Variants in BANP observed in about 807,000 individuals in gnomAD.
BANP encodes the protein BTG3 associated nuclear protein.
Under a neutral mutation model 68.1 loss-of-function variants are expected in BANP, and 11 were observed. The observed-to-expected ratio is 0.16, with a 90% CI of 0.10 to 0.27. The LOEUF (loss-of-function observed/expected upper bound fraction) is 0.27. Among genes scored for constraint, BANP ranks in the 10% least tolerant of loss-of-function variants. The pLI is 1.00. For synonymous variants in BANP, 329 were observed against 303.2 expected, an observed-to-expected ratio of 1.09 and a Z score of -0.88; for missense variants, 504 against 722.7, an observed-to-expected ratio of 0.70 and a Z score of 3.47.
intron 11 of BANP, among the ~76,000 whole-genome samples, chr16:88,058,057 T>C (rs1326621739): frequency 6.6e-6 from 1 of 152,152 alleles, no homozygotes; most frequent in African/African-American, 2.4e-5. Context: ...TTTTTTTCAC[T>C]CTGAGAGTGA....
In BANP at chr16:88,042,666, C is replaced by G. The variant is rs547883352; in HGVS notation, c.1311+4655C>G. On this transcript the variant is annotated intron_variant, in intron 11 of 13. Coordinates refer to ENST00000682872, the MANE Select transcript of BANP (RefSeq NM_001386991.1). ...TTGTGCTGGCTCACACCTGTAATCCCAGTACTTTGGGGAGGCTGAGGTGGG... is the reference window on the plus strand; with the variant it reads ...TTGTGCTGGCTCACACCTGTAATCCGAGTACTTTGGGGAGGCTGAGGTGGG... 1.9e-3 allele frequency among the ~76,000 whole-genome samples: 277 copies of G among 148,082 alleles called. 1 individual carries two copies. Among genetic ancestry groups the G allele is most frequent in the African/African-American group, 7.1e-3 (267 of 37,510 alleles).
chr16:88,073,216 G>A (rs1291214105), intron 13 of BANP, among the ~76,000 whole-genome samples: 1 of 152,236 alleles, frequency 6.6e-6, no homozygotes, highest in African/African-American at 2.4e-5. Context: ...AGGCTGGGCG[G>A]TTCTGCAGTC....
At chr16:87,959,363 G>T (rs1189159574) in intron 1 of BANP, among the ~76,000 whole-genome samples, 1 of 152,256 alleles carries the variant, frequency 6.6e-6, no homozygotes. Flanking sequence ...GCTGGGCTGG[G>T]TTGTGGGCCC....
chr16:88,069,233 C>T (rs531471657), intron 12 of BANP, among the ~76,000 whole-genome samples: 8 of 152,342 alleles, frequency 5.3e-5, no homozygotes, highest in East Asian at 1.9e-4. Context: ...AACTCCTCTC[C>T]GAGTTTATTT....
At chr16:87,973,188 G>T (rs961798244) in intron 1 of BANP, among the ~76,000 whole-genome samples, 2 of 151,916 alleles carry the variant, frequency 1.3e-5, no homozygotes, top group Non-Finnish European at 2.9e-5. Context: ...TTCCCAGCTG[G>T]ACTTTTTAGA....
intron 9 of BANP, among the ~76,000 whole-genome samples, chr16:88,033,768 C>T (rs915879737): frequency 6.6e-6 from 1 of 152,198 alleles, no homozygotes; most frequent in African/African-American, 2.4e-5. Flanking sequence ...CTGCCTTGCC[C>T]GTGCGGAGTT....
chr16:87,966,318 G>C (rs1182792132), intron 1 of BANP, among the ~76,000 whole-genome samples: 3 of 152,194 alleles, frequency 2.0e-5, no homozygotes, highest in Non-Finnish European at 4.4e-5. Context: ...GTAGGGTTCT[G>C]AATAGTCGTC....
chr16:87,981,566 G>C (rs534845704), intron 3 of BANP, among the ~76,000 whole-genome samples: 1 of 152,362 alleles, frequency 6.6e-6, no homozygotes, highest in East Asian at 1.9e-4. Context: ...ACATGGGTAG[G>C]TTCTGGCGGT....
intron 3 of BANP, among the ~76,000 whole-genome samples, chr16:87,983,661 C>T (rs1032491578): frequency 4.0e-5 from 6 of 151,870 alleles, no homozygotes; most frequent in African/African-American, 1.5e-4. Context: ...GGCGAATGTG[C>T]GTGGCCTGTG....
chr16:87,987,213 G>C (rs1008390893), intron 4 of BANP, among the ~76,000 whole-genome samples: 1 of 151,952 alleles, frequency 6.6e-6, no homozygotes, highest in Non-Finnish European at 1.5e-5. Flanking sequence ...CAAGTAGCTG[G>C]GATTACAGGC....
chr16:88,014,689 G>A (rs561959998), intron 6 of BANP, among the ~76,000 whole-genome samples: 7 of 151,984 alleles, frequency 4.6e-5, no homozygotes, highest in African/African-American at 1.2e-4. Flanking sequence ...CACCATCCTC[G>A]CACTGGTCCT....
intron 6 of BANP, among the ~76,000 whole-genome samples, chr16:88,006,770 G>A (rs2071287135): frequency 6.6e-6 from 1 of 151,292 alleles, no homozygotes; most frequent in Non-Finnish European, 1.5e-5. Flanking sequence ...TGGCCAAAAT[G>A]GTGAAACCCC....
At chr16:88,067,322 A>AC (rs2152900921) in intron 12 of BANP, among the ~76,000 whole-genome samples, 1 of 152,130 alleles carries the variant, frequency 6.6e-6, no homozygotes, top group Non-Finnish European at 1.5e-5. Flanking sequence ...AGCCAGTGTC[A>AC]CCCAGGTGTC....
At chr16:88,019,214 G>GA (rs1367276020) in intron 7 of BANP, among the ~76,000 whole-genome samples, 1 of 152,196 alleles carries the variant, frequency 6.6e-6, no homozygotes, top group Non-Finnish European at 1.5e-5. Context: ...TGAAGAGCGG[G>GA]ATTTGCTCCA....
chr16:88,022,797 C>T (rs1363921139), intron 7 of BANP, among the ~76,000 whole-genome samples: 1 of 152,202 alleles, frequency 6.6e-6, no homozygotes, highest in Non-Finnish European at 1.5e-5. Context: ...GGCCGCATCC[C>T]CCTCGGCTGT....
At chr16:88,051,509 G>A (rs73250899) in intron 11 of BANP, among the ~76,000 whole-genome samples, 2,016 of 152,192 alleles carry the variant, frequency 0.013, 44 homozygotes, top group African/African-American at 0.045. Context: ...TGGGAAGTGC[G>A]GCCATTCCCA....
chr16:87,975,059 C>G lies in BANP; in HGVS notation c.-57C>G. 1 of 1,509,114 alleles carries G rather than the reference C, an allele frequency of 6.6e-7. No individual in the cohort carries two copies. The highest frequency in any genetic ancestry group is 1.4e-5 in the African/African-American group (1 of 72,792). 93.5% of individuals were successfully genotyped at this position (1,509,114 alleles called of 1,614,324 possible). On this transcript the variant is annotated 5_prime_UTR_variant, in exon 2 of 14. Transcript: ENST00000682872. ...CTTCTGTTTGGTAGGTGACCAAAAG[C>G]CAGCCCCACTGTGAGTTGAACTCTT...
rs1482867474 is a variant in BANP, at chr16:88,039,666, G to A, written c.1311+1655G>A. On this transcript the variant is annotated intron_variant, in intron 11 of 13. Transcript: ENST00000682872. ...ACAGAATTCTCCCAACTTTATTGTG[G>A]GGACAGAGATTCCAGCTTTTCTCAG... Among the ~76,000 whole-genome samples, 14 of 142,552 alleles carry A rather than the reference G, an allele frequency of 9.8e-5. 3 individuals carry two copies. The highest frequency in any genetic ancestry group is 9.2e-4 in the Admixed American group (13 of 14,098). 93.5% of individuals were successfully genotyped at this position (142,552 alleles called of 152,430 possible). A position where few individuals can be genotyped will look rare whatever the true frequency, so the allele number is the denominator to read the frequency against.
chr16:88,014,528 T>C (rs1248693253), intron 6 of BANP, among the ~76,000 whole-genome samples: 4 of 152,088 alleles, frequency 2.6e-5, no homozygotes, highest in Admixed American at 2.0e-4. Context: ...AAAACAACTC[T>C]GAATTCTTGT....
Sources: gnomAD v4.1 joint callset for allele counts (sites outside exome capture counted in the v4.1 genomes callset) on GRCh38, gnomAD v4.1.1 for gene constraint, MANE v1.5 for transcripts, NCBI Gene and HGNC (gene_info 2026-07-23, HGNC 2026-07-21) for gene names.